Variants in FGF12 observed in about 807,000 individuals in gnomAD.
The protein encoded by FGF12 is fibroblast growth factor 12B.
FGF12 carries 14 observed loss-of-function variants against 23.6 expected under a neutral mutation model. The observed-to-expected ratio is 0.59, with a 90% CI of 0.39 to 0.93. The LOEUF (loss-of-function observed/expected upper bound fraction) is 0.93. FGF12 is among the 40% of genes least tolerant of loss of function. The pLI is 0.00. For synonymous variants in FGF12, 62 were observed against 77.3 expected (o/e 0.80, Z 1.04); for missense variants, 175 against 217.8 (o/e 0.80, Z 1.24).
chr3:192,245,884 A>G (rs924130539), intron 4 of FGF12, among the ~76,000 whole-genome samples: 1 of 152,152 alleles, frequency 6.6e-6, no homozygotes, highest in African/African-American at 2.4e-5. Flanking sequence ...GCTTTTTCGG[A>G]CCCTAATGCT....
intron 2 of FGF12, among the ~76,000 whole-genome samples, chr3:192,402,068 C>A (rs1227786421): frequency 6.6e-6 from 1 of 152,192 alleles, no homozygotes; most frequent in African/African-American, 2.4e-5. Context: ...AATTCACATC[C>A]CACTCCGAAG....
At chr3:192,486,974 C>T (rs1044602204) in intron 2 of FGF12, among the ~76,000 whole-genome samples, 1 of 152,018 alleles carries the variant, frequency 6.6e-6, no homozygotes, top group Non-Finnish European at 1.5e-5. Context: ...ATCTGGATTT[C>T]CTCCTGCATC....
At chr3:192,343,303 T>A (rs1717789280) in intron 3 of FGF12, among the ~76,000 whole-genome samples, 1 of 152,198 alleles carries the variant, frequency 6.6e-6, no homozygotes, top group South Asian at 2.1e-4. Context: ...CCTTGAAAAT[T>A]CAATATCATT....
At chr3:192,511,514 C>G (rs1392957490) in intron 2 of FGF12, among the ~76,000 whole-genome samples, 2 of 152,166 alleles carry the variant, frequency 1.3e-5, no homozygotes, top group East Asian at 3.8e-4. Context: ...TTAATCACTA[C>G]TCTTCTGTGA....
chr3:192,390,839 T>C (rs374054696), intron 2 of FGF12, among the ~76,000 whole-genome samples: 5 of 152,220 alleles, frequency 3.3e-5, no homozygotes, highest in African/African-American at 1.2e-4. Context: ...ATTTGCTAAG[T>C]GTCTACTAGG....
chr3:192,442,750 T>C (rs1234172322), intron 2 of FGF12, among the ~76,000 whole-genome samples: 4 of 151,984 alleles, frequency 2.6e-5, no homozygotes, highest in Admixed American at 1.3e-4. Flanking sequence ...AGATGAGCCC[T>C]AGCTAAAGAA....
rs57045697 is a variant in FGF12, at chr3:192,686,815, A to ATTTTTTT, written c.13+40359_13+40365dup. Among the ~76,000 whole-genome samples the ATTTTTTT allele has an allele frequency of 1.6e-3, 99 of 61,484 alleles. 10 individuals carry two copies. The highest frequency in any genetic ancestry group is 7.1e-3 in the African/African-American group (87 of 12,298). 40.3% of individuals were successfully genotyped at this position (61,484 alleles called of 152,430 possible). Reference sequence around the variant, plus strand: ...AAAAAGACAATGACTTTTTTCTCTAATTTTTTTTTTTTTTTTTTTTTTTTT... The same window carrying ATTTTTTT: ...AAAAAGACAATGACTTTTTTCTCTAATTTTTTTTTTTTTTTTTTTTTTTTTTTTTTTT... On this transcript the variant is annotated intron_variant, in intron 2 of 5. Transcript: ENST00000445105.
intron 2 of FGF12, among the ~76,000 whole-genome samples, chr3:192,463,943 G>A (rs975051667): frequency 1.3e-5 from 2 of 152,094 alleles, no homozygotes; most frequent in Non-Finnish European, 2.9e-5. Flanking sequence ...CGGCTCACTG[G>A]TGAAGCTCTC....
chr3:192,679,635 C>CA (rs72404495), intron 2 of FGF12, among the ~76,000 whole-genome samples: 4,008 of 146,172 alleles, frequency 0.027, 189 homozygotes, highest in African/African-American at 0.094. Flanking sequence ...GCCTGCCAAC[C>CA]AAAAAAAAAA....
intron 2 of FGF12, among the ~76,000 whole-genome samples, chr3:192,456,361 T>C (rs974766789): frequency 2.0e-5 from 3 of 152,202 alleles, no homozygotes; most frequent in Non-Finnish European, 4.4e-5. Context: ...TAGAGATATC[T>C]TAGCCCAAAG....
intron 2 of FGF12, among the ~76,000 whole-genome samples, chr3:192,707,253 A>C (rs1352252372): frequency 6.6e-6 from 1 of 152,168 alleles, no homozygotes; most frequent in Non-Finnish European, 1.5e-5. Context: ...TGAGAAGTGC[A>C]ATCTCAGTCA....
chr3:192,245,157 A>T (rs1356954178), intron 4 of FGF12, among the ~76,000 whole-genome samples: 1 of 152,164 alleles, frequency 6.6e-6, no homozygotes, highest in African/African-American at 2.4e-5. Context: ...GTGCAGTGGC[A>T]TGATCAAATC....
At chr3:192,412,559 C>T (rs774665474) in intron 2 of FGF12, among the ~76,000 whole-genome samples, 43 of 152,212 alleles carry the variant, frequency 2.8e-4, no homozygotes, top group Non-Finnish European at 5.4e-4. Context: ...CCCTCGCACT[C>T]CTGCAGCTAT....
intron 2 of FGF12, among the ~76,000 whole-genome samples, chr3:192,509,354 A>G (rs963012928): frequency 6.6e-6 from 1 of 152,206 alleles, no homozygotes; most frequent in African/African-American, 2.4e-5. Context: ...CCCAATGCAC[A>G]CAACTCTTTG....
chr3:192,620,419 A>G (rs1313256290), intron 2 of FGF12, among the ~76,000 whole-genome samples: 1 of 152,158 alleles, frequency 6.6e-6, no homozygotes, highest in African/African-American at 2.4e-5. Context: ...CAGTGGCTGT[A>G]ACATACTAGA....
At chr3:192,509,706 A>G (rs768389744) in intron 2 of FGF12, among the ~76,000 whole-genome samples, 1 of 152,216 alleles carries the variant, frequency 6.6e-6, no homozygotes, top group Non-Finnish European at 1.5e-5. Context: ...ACACACACTA[A>G]CTAGAATGGT....
At chr3:192,675,853 TCTGCACA>T in intron 2 of FGF12, among the ~76,000 whole-genome samples, 1 of 152,258 alleles carries the variant, frequency 6.6e-6, no homozygotes, top group Middle Eastern at 3.4e-3. Context: ...ACAACCGAGG[TCTGCACA>T]GCATGGCTCA....
chr3:192,466,075 A>G (rs1723004689), intron 2 of FGF12, among the ~76,000 whole-genome samples: 1 of 152,186 alleles, frequency 6.6e-6, no homozygotes, highest in South Asian at 2.1e-4. Context: ...AGCCTCCTAC[A>G]TACCTAGGCT....
intron 2 of FGF12, among the ~76,000 whole-genome samples, chr3:192,594,484 A>C (rs1377698395): frequency 6.6e-6 from 1 of 151,908 alleles, no homozygotes; most frequent in African/African-American, 2.4e-5. Flanking sequence ...TCATTCAGTC[A>C]TAATAGAATA....
Sources: gnomAD v4.1 joint callset for allele counts (sites outside exome capture counted in the v4.1 genomes callset) on GRCh38, gnomAD v4.1.1 for gene constraint, MANE v1.5 for transcripts, NCBI Gene and HGNC (gene_info 2026-07-23, HGNC 2026-07-21) for gene names.